The following L3MBTL3 variants were observed in gnomAD, a reference collection of about 807,000 sequenced individuals.
L3MBTL3 encodes the protein L3MBTL histone methyl-lysine binding protein 3.
Under a neutral mutation model 102.3 loss-of-function variants are expected in L3MBTL3, and 27 were observed. That is an observed-to-expected ratio of 0.26 (90% CI 0.19 to 0.36). The LOEUF is 0.36. L3MBTL3 is among the 10% of genes least tolerant of loss of function. L3MBTL3 has a pLI of 1.00. For missense variants in L3MBTL3, 798 were observed against 955.3 expected (o/e 0.84, Z 2.17); for synonymous variants, 340 against 320.9 (o/e 1.06, Z -0.64).
intron 19 of L3MBTL3, among the ~76,000 whole-genome samples, chr6:130,108,286 G>C (rs917440520): frequency 2.5e-4 from 34 of 133,432 alleles, no homozygotes; most frequent in Admixed American, 4.2e-4. Flanking sequence ...CCAGGCTGGA[G>C]TGCAGTGGCG....
intron 2 of L3MBTL3, among the ~76,000 whole-genome samples, chr6:130,036,198 G>A (rs1372185482): frequency 1.3e-5 from 2 of 152,182 alleles, no homozygotes; most frequent in East Asian, 3.8e-4. Context: ...CAACAAGGGA[G>A]GAAGACTTGG....
chr6:130,135,051 A>G (rs1445130421), intron 22 of L3MBTL3, among the ~76,000 whole-genome samples: 5 of 145,302 alleles, frequency 3.4e-5, no homozygotes, highest in South Asian at 4.3e-4. Flanking sequence ...GATACTCTCA[A>G]TTCATTTTCT....
intron 13 of L3MBTL3, among the ~76,000 whole-genome samples, chr6:130,071,448 C>T (rs1042694814): frequency 3.3e-5 from 5 of 152,006 alleles, no homozygotes; most frequent in African/African-American, 7.2e-5. Context: ...TTTAAACATT[C>T]GTAATAGCTG....
chr6:130,133,389 A>G lies in L3MBTL3; in HGVS notation c.1967-63A>G. 1 of 1,528,306 alleles carries G rather than the reference A, an allele frequency of 6.5e-7. No homozygotes were observed. Among genetic ancestry groups the G allele is most frequent in the Non-Finnish European group, 9.0e-7 (1 of 1,110,558 alleles). The allele number at this position is 1,528,306 out of a possible 1,614,324, so 94.7% of individuals were successfully genotyped here. ...TCCAGTCTCGTTATCTGGGAGATGCACGGCATTTGGGGCTTTCTTGCTGCT... is the reference window on the plus strand; with the variant it reads ...TCCAGTCTCGTTATCTGGGAGATGCGCGGCATTTGGGGCTTTCTTGCTGCT... On this transcript the variant is annotated intron_variant, in intron 20 of 22. Transcript: ENST00000361794. The surrounding 1 kb of genome is among the most constrained non-coding windows in gnomAD (Gnocchi z 4.9).
chr6:130,019,956 G>A (rs1396333459), intron 1 of L3MBTL3, among the ~76,000 whole-genome samples: 17 of 137,166 alleles, frequency 1.2e-4, no homozygotes, highest in Non-Finnish European at 2.3e-4. Flanking sequence ...GTGCGGGCGC[G>A]GGCGCGGGCG....
intron 13 of L3MBTL3, among the ~76,000 whole-genome samples, chr6:130,077,050 G>A (rs568220748): frequency 6.6e-6 from 1 of 152,124 alleles, no homozygotes; most frequent in South Asian, 2.1e-4. Context: ...TAAACACTGT[G>A]AGTCCGACAG....
chr6:130,047,247 A>C (rs1477010126), intron 3 of L3MBTL3, among the ~76,000 whole-genome samples: 1 of 152,196 alleles, frequency 6.6e-6, no homozygotes, highest in African/African-American at 2.4e-5. Context: ...CTGGCTTACA[A>C]GAGTGAACTG....
rs1313606803 is a variant in L3MBTL3, at chr6:130,055,141, T to C, written c.583-30T>C. ...TCACTGGTGCCAATTTCTTGAACTT[T>C]AAAGTCATAATTTTCCTTTCTTTTT... On this transcript the variant is annotated intron_variant, in intron 7 of 22. Coordinates refer to ENST00000361794, the MANE Select transcript of L3MBTL3 (RefSeq NM_032438.4). 3.2e-6 allele frequency: 5 copies of C among 1,574,530 alleles called. No individual in the cohort carries two copies. The African/African-American group carries it at 4.0e-5, about 13-fold the overall frequency.
intron 9 of L3MBTL3, among the ~76,000 whole-genome samples, chr6:130,058,319 A>G (rs1481480691): frequency 2.6e-5 from 4 of 152,150 alleles, no homozygotes; most frequent in African/African-American, 9.7e-5. Context: ...TCTGAGTAGC[A>G]GTTGATGTCC....
At chr6:130,090,498 A>G (rs1051500421) in intron 16 of L3MBTL3, among the ~76,000 whole-genome samples, 1 of 152,248 alleles carries the variant, frequency 6.6e-6, no homozygotes, top group East Asian at 1.9e-4. Flanking sequence ...AACATTTTTA[A>G]CAGGCCAATA....
chr6:130,131,319 A>C (rs1787005879), intron 20 of L3MBTL3, among the ~76,000 whole-genome samples: 1 of 152,250 alleles, frequency 6.6e-6, no homozygotes, highest in South Asian at 2.1e-4. Context: ...AAACGGTTAA[A>C]AAGAAAAAGA....
intron 10 of L3MBTL3, among the ~76,000 whole-genome samples, chr6:130,061,694 T>G (rs925386981): frequency 1.3e-5 from 2 of 152,180 alleles, no homozygotes; most frequent in Non-Finnish European, 2.9e-5. Flanking sequence ...GGTCAGAGTT[T>G]CTTGGTGGAT....
At position 130,060,154 on chromosome 6, in the gene L3MBTL3, C is replaced by A; in HGVS notation, c.864+14C>A. On this transcript the variant is annotated intron_variant, in intron 10 of 22. Coordinates refer to ENST00000361794, the MANE Select transcript of L3MBTL3 (RefSeq NM_032438.4). Reference sequence around the variant, plus strand: ...ACCGTCGCGGAGGTAAGCTTTGCCTCGTCCTTTATTTTTAAAATAAAATGG... The same window carrying A: ...ACCGTCGCGGAGGTAAGCTTTGCCTAGTCCTTTATTTTTAAAATAAAATGG... 6.8e-7 allele frequency: 1 copy of A among 1,461,202 alleles called. No individual in the cohort carries two copies. Among genetic ancestry groups the A allele is most frequent in the Non-Finnish European group, 9.4e-7 (1 of 1,066,892 alleles). The allele number at this position is 1,461,202 out of a possible 1,614,324, so 90.5% of individuals were successfully genotyped here. A position where few individuals can be genotyped will look rare whatever the true frequency, so the allele number is the denominator to read the frequency against.
intron 2 of L3MBTL3, among the ~76,000 whole-genome samples, chr6:130,034,955 G>C (rs1337052245): frequency 1.1e-4 from 16 of 152,210 alleles, no homozygotes; most frequent in Non-Finnish European, 2.9e-5. Flanking sequence ...CTGTTGAGCT[G>C]ATGAATGTGC....
At chr6:130,055,329 G>A (rs1025619093) in intron 8 of L3MBTL3, 74 bp downstream of exon 8, 1 of 1,093,466 alleles carries the variant, frequency 9.1e-7, no homozygotes. Context: ...GGAAATTTTA[G>A]TCATGCCACT....
intron 6 of L3MBTL3, among the ~76,000 whole-genome samples, 186 bp downstream of exon 6, chr6:130,051,594 T>C (rs1419321046): frequency 6.6e-6 from 1 of 152,220 alleles, no homozygotes; most frequent in Non-Finnish European, 1.5e-5. Flanking sequence ...CTGTCATGCC[T>C]GGTCTGAGTT....
At chr6:130,092,578 C>CT (rs529860251) in intron 16 of L3MBTL3, among the ~76,000 whole-genome samples, 167 bp from the exon 17 acceptor site, 39 of 151,970 alleles carry the variant, frequency 2.6e-4, no homozygotes, top group African/African-American at 7.0e-4. Flanking sequence ...TCAAAGATGT[C>CT]TTTTTTTTCA....
intron 10 of L3MBTL3, 81 bp downstream of exon 10, chr6:130,060,221 G>A (rs1209744698): frequency 1.3e-6 from 1 of 774,732 alleles, no homozygotes; most frequent in East Asian, 2.8e-5. Flanking sequence ...GCCATTGGTT[G>A]TATTTCATGC....
intron 2 of L3MBTL3, 92 bp from the exon 3 acceptor site, chr6:130,042,593 T>C (rs1780491369): frequency 2.9e-6 from 2 of 686,454 alleles, no homozygotes; most frequent in African/African-American, 1.8e-5. Context: ...AAGAAAATTA[T>C]GTAATTAAGG....
Sources: allele counts gnomAD v4.1 joint callset (sites outside exome capture counted in the v4.1 genomes callset), GRCh38; gene constraint gnomAD v4.1.1; non-coding constraint Gnocchi (gnomAD v3.1); transcripts MANE v1.5; gene names NCBI Gene and HGNC (gene_info 2026-07-23, HGNC 2026-07-21).